CCDC180: variants seen among roughly 807,000 people sequenced by gnomAD.
The protein encoded by CCDC180 is coiled-coil domain-containing protein 180.
In CCDC180, 154 loss-of-function variants were observed where a neutral mutation model predicts 209.2. That is an observed-to-expected ratio of 0.74 (90% CI 0.65 to 0.84). The LOEUF (loss-of-function observed/expected upper bound fraction) is 0.84. Among genes scored for constraint, CCDC180 ranks in the 40% least tolerant of loss-of-function variants. The pLI is 0.00. For missense variants in CCDC180, 1,874 were observed against 1,997.3 expected (o/e 0.94, Z 1.18); for synonymous variants, 778 against 749.1 (o/e 1.04, Z -0.63).
At chr9:97,312,273 T>C in intron 4 of CCDC180, 72 bp downstream of exon 4, 1 of 1,320,502 alleles carries the variant, frequency 7.6e-7, no homozygotes, top group African/African-American at 1.5e-5. Context: ...GGTGGGGACG[T>C]CTCCTGGCAA....
rs550765467 is a variant in CCDC180 at position 97,317,270 on chromosome 9, G to A, written c.959+42G>A. 3.4e-6 allele frequency: 5 copies of A among 1,478,522 alleles called. No homozygotes were observed. The East Asian group carries it at 1.2e-4, about 37-fold the overall frequency. The allele number at this position is 1,478,522 out of a possible 1,614,324, so 91.6% of individuals were successfully genotyped here. ...CAGCTCCTTCTCCAGCCCACCAGGG[G>A]GGCTGGCAAAGGGTAGGGGCGGCAT... On this transcript the variant is annotated intron_variant, in intron 9 of 36. Coordinates refer to ENST00000529487, the MANE Select transcript of CCDC180 (RefSeq NM_020893.6).
chr9:97,355,057 A>C, intron 24 of CCDC180, 49 bp downstream of exon 24: 1 of 1,251,128 alleles, frequency 8.0e-7, no homozygotes, highest in Non-Finnish European at 1.2e-6. Context: ...ACACACCTGC[A>C]CACCAGGCAC....
Position 97,350,547 on chromosome 9 carries a change from A to G in CCDC180, c.2994A>G (p.Lys998=). The G allele has an allele frequency of 6.5e-7, 1 of 1,536,412 alleles. No homozygotes were observed. ...KLRYSNIEFI[K]HCRLFSEGGN... ...GCTACTCAAATATTGAGTTCATCAA[A>G]CACTGCAGGTGGGAGCCAGTGTCCA... The change falls in exon 22 of 37, where the codon AAA becomes AAG. Residue 998 remains lysine, a synonymous_variant. Coordinates refer to ENST00000529487, the MANE Select transcript of CCDC180 (RefSeq NM_020893.6).
intron 14 of CCDC180, among the ~76,000 whole-genome samples, 198 bp from the exon 15 acceptor site, chr9:97,326,356 G>A (rs1277125739): frequency 6.6e-6 from 1 of 152,208 alleles, no homozygotes; most frequent in East Asian, 1.9e-4. Flanking sequence ...AACACTGCAG[G>A]CAGAGAAAAG....
At chr9:97,333,077 G>C (rs112983044) in intron 18 of CCDC180, among the ~76,000 whole-genome samples, 2 of 152,108 alleles carry the variant, frequency 1.3e-5, no homozygotes, top group African/African-American at 4.8e-5. Context: ...TAACATGAAG[G>C]GGTGTTGAAT....
At chr9:97,358,227 T>A (rs1250217576) in intron 25 of CCDC180, among the ~76,000 whole-genome samples, 1 of 151,840 alleles carries the variant, frequency 6.6e-6, no homozygotes, top group Non-Finnish European at 1.5e-5. Flanking sequence ...TTCAAGTGAT[T>A]GTACTGCCTC....
chr9:97,324,928 C>A (rs777544191), intron 13 of CCDC180, 91 bp from the exon 14 acceptor site: 1 of 1,223,696 alleles, frequency 8.2e-7, no homozygotes, highest in Non-Finnish European at 1.1e-6. Flanking sequence ...ACTGTTCAGT[C>A]GTTAGAGACA....
At chr9:97,321,213 A>G (rs745437534) in intron 11 of CCDC180, among the ~76,000 whole-genome samples, 10 of 152,330 alleles carry the variant, frequency 6.6e-5, no homozygotes, top group Admixed American at 2.0e-4. Context: ...TGCATTTTCA[A>G]CTGAAGATAT....
At chr9:97,319,572 C>A (rs1489551651) in intron 10 of CCDC180, among the ~76,000 whole-genome samples, 1 of 152,156 alleles carries the variant, frequency 6.6e-6, no homozygotes, top group Non-Finnish European at 1.5e-5. Flanking sequence ...TTGTGAGAAG[C>A]TGTGGTATTT....
rs759462679 is a variant in CCDC180 at position 97,374,593 on chromosome 9, G to T, written c.4651G>T (p.Ala1551Ser). ...ATCAATGCTCATACGAAGGAAACTC[G>T]CTGGGCTCTCCCTGAAGGAAGAGAG... ...KLSMLIRRKLAGLSLKEESEK... is the reference protein window; with the variant it reads ...KLSMLIRRKLSGLSLKEESEK... Residue 1551 changes from alanine (A) to serine (S), a missense_variant, in exon 35 of 37, where the codon GCT becomes TCT. Transcript: ENST00000529487. 3.7e-6 allele frequency: 6 copies of T among 1,613,962 alleles called. No homozygotes were observed. In the African/African-American group the frequency reaches 5.3e-5, roughly 14 times the overall value.
intron 28 of CCDC180, 95 bp from the exon 29 acceptor site, chr9:97,363,956 A>G: frequency 1.6e-6 from 2 of 1,244,258 alleles, no homozygotes; most frequent in Admixed American, 3.9e-5. Flanking sequence ...GGCAGGCCCA[A>G]TGCCTCCAGA....
chr9:97,327,269 A>C (rs114082761), intron 15 of CCDC180, among the ~76,000 whole-genome samples: 1 of 152,168 alleles, frequency 6.6e-6, no homozygotes, highest in Admixed American at 6.5e-5. Context: ...ATTCCTGCCC[A>C]CTTTTCCTTT....
chr9:97,325,758 T>TG (rs1283703521), intron 14 of CCDC180, among the ~76,000 whole-genome samples: 13 of 152,236 alleles, frequency 8.5e-5, no homozygotes, highest in Non-Finnish European at 1.6e-4. Context: ...GTAGTGCCGG[T>TG]GCTGGTGGCA....
At position 97,330,311 on chromosome 9, in the gene CCDC180, A is replaced by G. The variant is rs1480729642; in HGVS notation, c.1829-11A>G. ...TGTCTCTCCTTGTGCTTTGGTGTTT[A>G]TCATCAACAGAAGCACATGAAAAAC... On this transcript the variant is annotated splice_polypyrimidine_tract_variant and intron_variant, in intron 17 of 36. Coordinates refer to ENST00000529487, the MANE Select transcript of CCDC180 (RefSeq NM_020893.6). The G allele has an allele frequency of 6.2e-6, 10 of 1,612,802 alleles. No individual in the cohort carries two copies. The highest frequency in any genetic ancestry group is 1.6e-4 in the Middle Eastern group (1 of 6,078).
In CCDC180 at chr9:97,315,307, C is replaced by CG. The variant is rs377671250; in HGVS notation, c.795+367dup. 4.6e-5 allele frequency among the ~76,000 whole-genome samples: 7 copies of CG among 152,166 alleles called. No homozygotes were observed. The East Asian group carries it at 9.7e-4, about 21-fold the overall frequency. The stretch of plus-strand genomic sequence containing the variant: ...AATAGGCGCTACACTATGGAGTCAT[C>CG]GGGGGGCTACGGTGGTCTCAGGGTG... On this transcript the variant is annotated intron_variant, in intron 8 of 36. Transcript: ENST00000529487.
At chr9:97,342,027 G>C (rs1465670914) in intron 18 of CCDC180, among the ~76,000 whole-genome samples, 6 of 152,312 alleles carry the variant, frequency 3.9e-5, no homozygotes, top group Non-Finnish European at 7.4e-5. Flanking sequence ...CAAGACTTTT[G>C]GAAAAGCACA....
chr9:97,342,361 C>T (rs549080190), intron 18 of CCDC180, among the ~76,000 whole-genome samples: 1 of 152,262 alleles, frequency 6.6e-6, no homozygotes, highest in African/African-American at 2.4e-5. Flanking sequence ...ACCATGTTTC[C>T]CAGGCTGGTC....
Position 97,325,073 on chromosome 9 carries a change from A to G in CCDC180, c.1426A>G (p.Lys476Glu), listed in dbSNP as rs750446038. ...AGAGTGGCAGAGTTCACACCTCTTCAAGTATTTCCAGGAGGTGGTACAACT... is the reference window on the plus strand; with the variant it reads ...AGAGTGGCAGAGTTCACACCTCTTCGAGTATTTCCAGGAGGTGGTACAACT... ...QTEWQSSHLF[K>E]YFQEVVQLWE... The change falls in exon 14 of 37, where the codon AAG becomes GAG. Residue 476 changes from lysine to glutamate, a missense_variant. Physicochemically the swap from Lys to Glu is moderately conservative, Grantham distance 56. Coordinates refer to ENST00000529487, the MANE Select transcript of CCDC180 (RefSeq NM_020893.6). 9 of 1,613,902 alleles carry G rather than the reference A, an allele frequency of 5.6e-6. No individual in the cohort carries two copies. The South Asian group carries it at 7.7e-5, about 14-fold the overall frequency.
At chr9:97,358,603 C>T (rs1564171592) in intron 25 of CCDC180, among the ~76,000 whole-genome samples, 1 of 152,124 alleles carries the variant, frequency 6.6e-6, no homozygotes, top group East Asian at 1.9e-4. Context: ...ACTCTGTCCC[C>T]CAGTGAATGA....
Sources: allele counts gnomAD v4.1 joint callset (sites outside exome capture counted in the v4.1 genomes callset), GRCh38; gene constraint gnomAD v4.1.1; transcripts MANE v1.5; gene names NCBI Gene and HGNC (gene_info 2026-07-23, HGNC 2026-07-21).